Variants in EFCAB13 observed in about 807,000 individuals in gnomAD.
EFCAB13 encodes EF-hand calcium-binding domain-containing protein 13.
Under a neutral mutation model 110.2 loss-of-function variants are expected in EFCAB13, and 91 were observed. That is an observed-to-expected ratio of 0.83 (90% confidence interval 0.70 to 0.98). The LOEUF (loss-of-function observed/expected upper bound fraction) is 0.98. Ranked by LOEUF, EFCAB13 falls within the 50% of genes least tolerant of loss-of-function variation. The pLI is 0.00. For synonymous variants in EFCAB13, 323 were observed against 369.9 expected, an observed-to-expected ratio of 0.87 and a Z score of 1.45; for missense variants, 968 against 1,119.4, an observed-to-expected ratio of 0.86 and a Z score of 1.93.
At chr17:47,388,578 G>A (rs1045997004) in intron 14 of EFCAB13, among the ~76,000 whole-genome samples, 8 of 152,038 alleles carry the variant, frequency 5.3e-5, no homozygotes, top group East Asian at 1.9e-4. Context: ...AGTATGTATC[G>A]GTAGTTCATC....
intron 10 of EFCAB13, among the ~76,000 whole-genome samples, chr17:47,362,250 G>A (rs1046352445): frequency 2.6e-5 from 4 of 151,774 alleles, no homozygotes; most frequent in African/African-American, 7.3e-5. Flanking sequence ...AATAATCCTC[G>A]CTCTACAATC....
At chr17:47,324,855 C>G (rs1432132417) in intron 2 of EFCAB13, among the ~76,000 whole-genome samples, 1 of 149,146 alleles carries the variant, frequency 6.7e-6, no homozygotes, top group Non-Finnish European at 1.5e-5. Context: ...CTTGAAAGAG[C>G]CTACCCTACT....
chr17:47,374,848 G>A lies in EFCAB13; in HGVS notation c.1254G>A (p.Lys418=). 1 of 1,613,862 alleles carries A rather than the reference G, an allele frequency of 6.2e-7. No individual in the cohort carries two copies. The highest frequency in any genetic ancestry group is 8.5e-7 in the Non-Finnish European group (1 of 1,179,954). ...QSLKSSTSLS[K]SLDKSDISSI... The stretch of plus-strand genomic sequence containing the variant: ...TGAAGAGTAGTACAAGCCTCAGTAA[G>A]TCTCTGGATAAAAGTGATATTTCTA... Residue 418 remains lysine (K), a synonymous_variant, in exon 12 of 25, where the codon AAG becomes AAA. Coordinates refer to ENST00000331493, the MANE Select transcript of EFCAB13 (RefSeq NM_152347.5).
Position 47,431,414 on chromosome 17 carries a change from TCA to T in EFCAB13, c.2638+1456_2638+1457del, listed in dbSNP as rs1905114276. Among the ~76,000 whole-genome samples, 1 of 151,896 alleles carries T rather than the reference TCA, an allele frequency of 6.6e-6. No individual in the cohort carries two copies. Among genetic ancestry groups the T allele is most frequent in the Non-Finnish European group, 1.5e-5 (1 of 67,904 alleles). On this transcript the variant is annotated intron_variant, in intron 24 of 24. Coordinates refer to ENST00000331493, the MANE Select transcript of EFCAB13 (RefSeq NM_152347.5). The surrounding 1 kb of genome is among the most constrained non-coding windows in gnomAD (Gnocchi z 4.1). Reference sequence around the variant, plus strand: ...TTTTTTTTTGTTTGTAATACATACCTCACAGCAAATTTTCCTCAAAGTACTCA... The same window carrying T: ...TTTTTTTTTGTTTGTAATACATACCTCAGCAAATTTTCCTCAAAGTACTCA...
chr17:47,352,407 T>G (rs921503012), intron 9 of EFCAB13, among the ~76,000 whole-genome samples: 1 of 152,156 alleles, frequency 6.6e-6, no homozygotes, highest in Non-Finnish European at 1.5e-5. Flanking sequence ...GCTATAGATA[T>G]GAAGCTTCAT....
chr17:47,333,990 G>A (rs1270048926), intron 4 of EFCAB13, among the ~76,000 whole-genome samples: 1 of 152,146 alleles, frequency 6.6e-6, no homozygotes, highest in East Asian at 1.9e-4. Context: ...GGAATTTTGA[G>A]AGGAATTGCA....
intron 6 of EFCAB13, among the ~76,000 whole-genome samples, chr17:47,342,685 T>C (rs186665485): frequency 5.3e-5 from 8 of 152,320 alleles, no homozygotes; most frequent in Admixed American, 5.2e-4. Flanking sequence ...AAAATTCTAA[T>C]ATGTTATCTT....
Position 47,374,820 on chromosome 17 carries a change from G to T in EFCAB13, c.1226G>T (p.Ser409Ile). 1 of 1,614,040 alleles carries T rather than the reference G, an allele frequency of 6.2e-7. No individual in the cohort carries two copies. Among genetic ancestry groups the T allele is most frequent in the African/African-American group, 1.3e-5 (1 of 75,020 alleles). Reference sequence around the variant, plus strand: ...CATGACTCAAAGTCTAAACCACAAAGCTTGAAGAGTAGTACAAGCCTCAGT... The same window carrying T: ...CATGACTCAAAGTCTAAACCACAAATCTTGAAGAGTAGTACAAGCCTCAGT... Reference protein sequence around the residue: ...EIHDSKSKPQSLKSSTSLSKS... With the variant: ...EIHDSKSKPQILKSSTSLSKS... The change falls in exon 12 of 25, where the codon AGC becomes ATC. Residue 409 changes from serine (S) to isoleucine (I), a missense_variant. Physicochemically the swap from Ser to Ile is moderately radical, Grantham distance 142. Coordinates refer to ENST00000331493, the MANE Select transcript of EFCAB13 (RefSeq NM_152347.5).
At chr17:47,405,254 ATT>A (rs1335113822) in intron 20 of EFCAB13, among the ~76,000 whole-genome samples, 2 of 152,180 alleles carry the variant, frequency 1.3e-5, no homozygotes, top group Non-Finnish European at 2.9e-5. Flanking sequence ...TATTACAAAC[ATT>A]TGGTGAGTAT....
chr17:47,412,231 T>C (rs1016622818), intron 21 of EFCAB13, among the ~76,000 whole-genome samples: 1 of 152,270 alleles, frequency 6.6e-6, no homozygotes, highest in Non-Finnish European at 1.5e-5. Flanking sequence ...AAGGTGCCTG[T>C]TGAGAGAGCA....
chr17:47,347,647 T>G (rs1221017199), intron 8 of EFCAB13, among the ~76,000 whole-genome samples, 161 bp from the exon 9 acceptor site: 1 of 152,124 alleles, frequency 6.6e-6, no homozygotes, highest in Non-Finnish European at 1.5e-5. Flanking sequence ...ATTTGAATAT[T>G]AAAAGATTGA....
intron 4 of EFCAB13, 111 bp from the exon 5 acceptor site, chr17:47,335,085 G>C (rs1185469480): frequency 8.3e-7 from 1 of 1,198,602 alleles, no homozygotes; most frequent in Non-Finnish European, 1.1e-6. Context: ...CTCTTCGGTA[G>C]CACTATTTGA....
intron 5 of EFCAB13, chr17:47,340,192 A>G (rs897419229): frequency 2.6e-5 from 4 of 152,106 alleles, no homozygotes; most frequent in Non-Finnish European, 5.9e-5. Context: ...AAGGAAAACA[A>G]TAGAGCAATT....
At chr17:47,332,265 T>G (rs1393747565) in intron 4 of EFCAB13, among the ~76,000 whole-genome samples, 1 of 152,170 alleles carries the variant, frequency 6.6e-6, no homozygotes. Context: ...TTCTTTTTTC[T>G]TAATTGAGTT....
chr17:47,351,989 C>A (rs573825796), intron 9 of EFCAB13, among the ~76,000 whole-genome samples: 1 of 150,882 alleles, frequency 6.6e-6, no homozygotes, highest in South Asian at 2.1e-4. Flanking sequence ...GCAAGCTCTG[C>A]CTCCTGGGTT....
intron 5 of EFCAB13, among the ~76,000 whole-genome samples, chr17:47,335,616 T>C (rs1445341103): frequency 6.6e-6 from 1 of 152,216 alleles, no homozygotes; most frequent in Non-Finnish European, 1.5e-5. Flanking sequence ...TACTTGAGAC[T>C]ACGTAATTTA....
chr17:47,354,535 T>G (rs142175996), intron 9 of EFCAB13, among the ~76,000 whole-genome samples: 3,235 of 152,306 alleles, frequency 0.021, 107 homozygotes, highest in East Asian at 0.18. Context: ...AACTGTTTTA[T>G]AAATTTGGGA....
At chr17:47,419,942 C>CTCCCTT (rs1904581833) in intron 23 of EFCAB13, among the ~76,000 whole-genome samples, 1 of 151,580 alleles carries the variant, frequency 6.6e-6, no homozygotes, top group Non-Finnish European at 1.5e-5. Context: ...CCCTCTCCCT[C>CTCCCTT]CCTCTCCCCA....
rs561388413 is a variant in EFCAB13, at chr17:47,439,734, G to C, written c.2639-697G>C. Among the ~76,000 whole-genome samples the C allele has an allele frequency of 1.2e-3, 179 of 151,948 alleles. 1 individual carries two copies. The highest frequency in any genetic ancestry group is 6.8e-3 in the Middle Eastern group (2 of 294). ...TTTTTTTCTCTTGCTCCCCTAAGAA[G>C]CCTTTATAGACATTTTAGTTCCTAA... On this transcript the variant is annotated intron_variant, in intron 24 of 24. Transcript: ENST00000331493.
Sources: gnomAD v4.1 joint callset for allele counts (sites outside exome capture counted in the v4.1 genomes callset) on GRCh38, gnomAD v4.1.1 for gene constraint, Gnocchi (gnomAD v3.1) non-coding constraint, MANE v1.5 for transcripts, NCBI Gene and HGNC (gene_info 2026-07-23, HGNC 2026-07-21) for gene names.